The following SNTG1 variants were observed in gnomAD, a reference collection of about 807,000 sequenced individuals.
SNTG1 encodes the protein gamma-1-syntrophin.
SNTG1 carries 39 observed loss-of-function variants against 74.7 expected under a neutral mutation model. The observed-to-expected ratio is 0.52, with a 90% CI of 0.40 to 0.68. The LOEUF is 0.68. Ranked by LOEUF, SNTG1 falls within the 30% of genes least tolerant of loss-of-function variation. The pLI, the probability that SNTG1 is intolerant of heterozygous loss-of-function variation, is 0.00. For missense variants in SNTG1, 685 were observed against 609.5 expected (o/e 1.12, Z -1.30); for synonymous variants, 254 against 217.1 (o/e 1.17, Z -1.49).
intron 9 of SNTG1, among the ~76,000 whole-genome samples, chr8:50,509,569 G>A (rs1250317057): frequency 6.6e-6 from 1 of 152,106 alleles, no homozygotes; most frequent in Non-Finnish European, 1.5e-5. Flanking sequence ...TCTTCCATTT[G>A]TTTGTATCCT....
At position 50,264,522 on chromosome 8, in the gene SNTG1, A is replaced by G. The variant is rs188409955; in HGVS notation, c.-28+91887A>G. The stretch of plus-strand genomic sequence containing the variant: ...GAGGCAGAAGTTGCAGTGAGCAGAG[A>G]TCGCACCACTGCACTCCAGCCTGAG... On this transcript the variant is annotated intron_variant, in intron 2 of 18. Transcript: ENST00000642720. Among the ~76,000 whole-genome samples the G allele has an allele frequency of 5.3e-3, 810 of 151,980 alleles. 18 individuals carry two copies. The highest frequency in any genetic ancestry group is 0.019 in the African/African-American group (779 of 41,470).
intron 2 of SNTG1, among the ~76,000 whole-genome samples, chr8:50,370,864 G>C (rs1029289793): frequency 6.6e-6 from 1 of 152,100 alleles, no homozygotes; most frequent in Non-Finnish European, 1.5e-5. Context: ...TGGATACTAA[G>C]AGTATGGATT....
intron 12 of SNTG1, among the ~76,000 whole-genome samples, chr8:50,572,210 C>T (rs1473742936): frequency 6.6e-6 from 1 of 151,692 alleles, no homozygotes; most frequent in Non-Finnish European, 1.5e-5. Flanking sequence ...TAATACTCGT[C>T]TCAGAGACTT....
At chr8:50,040,294 T>G (rs958853696) in intron 1 of SNTG1, among the ~76,000 whole-genome samples, 3 of 152,176 alleles carry the variant, frequency 2.0e-5, no homozygotes, top group Non-Finnish European at 2.9e-5. Flanking sequence ...CCATATCTTT[T>G]TATAAAAATT....
In SNTG1 at chr8:50,380,453, A is replaced by G. The variant is rs377096587; in HGVS notation, c.-27-13759A>G. ...TGCCTAGAGCAAACTCTATAAATAG[A>G]TAACATTTTTCTCTTCAGTAAACTG... is the stretch of plus-strand genomic sequence containing the variant. On this transcript the variant is annotated intron_variant, in intron 2 of 18. Transcript: ENST00000642720. 4.3e-4 allele frequency among the ~76,000 whole-genome samples: 66 copies of G among 152,362 alleles called. 1 individual carries two copies. Among genetic ancestry groups the G allele is most frequent in the African/African-American group, 1.6e-3 (66 of 41,596 alleles).
At position 49,962,702 on chromosome 8, in the gene SNTG1, C is replaced by A. The variant is rs369547926; in HGVS notation, c.-103+50471C>A. On this transcript the variant is annotated intron_variant, in intron 1 of 18. Transcript: ENST00000642720. Reference sequence around the variant, plus strand: ...CCTCTTCCTCCCAGTTCAAGAGATGCTTCTGCCTCAGCCTCCTGAGTAGCT... The same window carrying A: ...CCTCTTCCTCCCAGTTCAAGAGATGATTCTGCCTCAGCCTCCTGAGTAGCT... Among the ~76,000 whole-genome samples the A allele has an allele frequency of 2.4e-4, 36 of 152,272 alleles. No homozygotes were observed. In the South Asian group the frequency reaches 5.2e-3, roughly 22 times the overall value.
intron 1 of SNTG1, among the ~76,000 whole-genome samples, chr8:50,111,178 C>T (rs1563610901): frequency 6.6e-6 from 1 of 152,058 alleles, no homozygotes; most frequent in South Asian, 2.1e-4. Context: ...TCTCCTAGCT[C>T]CCTCACACTT....
chr8:50,212,706 A>G (rs888253551), intron 2 of SNTG1, among the ~76,000 whole-genome samples: 6 of 152,204 alleles, frequency 3.9e-5, no homozygotes, highest in African/African-American at 9.6e-5. Flanking sequence ...AGCCATGTCT[A>G]TATATACTCT....
At chr8:50,033,269 A>C (rs1222332955) in intron 1 of SNTG1, among the ~76,000 whole-genome samples, 2 of 151,994 alleles carry the variant, frequency 1.3e-5, no homozygotes, top group African/African-American at 4.8e-5. Flanking sequence ...GATTACAGGC[A>C]TGCGCCACCA....
At chr8:50,591,006 G>GT in intron 13 of SNTG1, 89 bp downstream of exon 13, 1 of 866,696 alleles carries the variant, frequency 1.2e-6, no homozygotes, top group Non-Finnish European at 1.7e-6. Context: ...TTTCTAGACA[G>GT]AAATAATTGG....
At position 50,630,102 on chromosome 8, in the gene SNTG1, A is replaced by G. The variant is rs147856639; in HGVS notation, c.850-26807A>G. Among the ~76,000 whole-genome samples the G allele has an allele frequency of 4.8e-3, 730 of 152,302 alleles. 6 individuals carry two copies. Among genetic ancestry groups the G allele is most frequent in the African/African-American group, 0.016 (686 of 41,578 alleles). Reference sequence around the variant, plus strand: ...TTGGTAAAAAATTACAGGTGATAAAAGGTAAGTAGGAATTTATGGAAAACC... The same window carrying G: ...TTGGTAAAAAATTACAGGTGATAAAGGGTAAGTAGGAATTTATGGAAAACC... On this transcript the variant is annotated intron_variant, in intron 13 of 18. Transcript: ENST00000642720.
At chr8:50,101,873 A>G (rs1010191961) in intron 1 of SNTG1, among the ~76,000 whole-genome samples, 20 of 152,088 alleles carry the variant, frequency 1.3e-4, no homozygotes, top group African/African-American at 4.8e-4. Flanking sequence ...CCATGTCCCT[A>G]CAAAGGACAC....
At chr8:50,441,570 G>T (rs920214558) in intron 5 of SNTG1, among the ~76,000 whole-genome samples, 1 of 152,098 alleles carries the variant, frequency 6.6e-6, no homozygotes, top group Non-Finnish European at 1.5e-5. Flanking sequence ...GAAATGAAAG[G>T]AATATTGAAA....
At chr8:50,313,930 A>G (rs751414144) in intron 2 of SNTG1, among the ~76,000 whole-genome samples, 40 of 150,170 alleles carry the variant, frequency 2.7e-4, no homozygotes, top group Non-Finnish European at 2.4e-4. Flanking sequence ...TTTTCTACAT[A>G]ACTAGCTTGG....
At position 50,793,779 on chromosome 8, in the gene SNTG1, C is replaced by T. The variant is rs371985938; in HGVS notation, c.*950C>T. ...CTAGTTAATCATGAACTAAAATGTC[C>T]CCCGAAAACAGTCCCAAAGCTATTA... On this transcript the variant is annotated 3_prime_UTR_variant, in exon 19 of 19. Transcript: ENST00000642720. The T allele has an allele frequency of 7.2e-4, 110 of 151,748 alleles. No individual in the cohort carries two copies. The highest frequency in any genetic ancestry group is 2.6e-3 in the African/African-American group (106 of 41,450). The allele number at this position is 151,748 out of a possible 1,614,324, so 9.4% of individuals were successfully genotyped here. A position where few individuals can be genotyped will look rare whatever the true frequency, so the allele number is the denominator to read the frequency against.
Position 50,217,440 on chromosome 8 carries a change from T to C in SNTG1, c.-28+44805T>C, listed in dbSNP as rs16914522. On this transcript the variant is annotated intron_variant, in intron 2 of 18. Coordinates refer to ENST00000642720, the MANE Select transcript of SNTG1 (RefSeq NM_018967.5). ...TCCTGACCTTTGCAATAAAACCCAG[T>C]CACCTATTTGTACTCTTACTTAGCA... is the stretch of plus-strand genomic sequence containing the variant. Among the ~76,000 whole-genome samples the C allele has an allele frequency of 8.1e-3, 1,231 of 152,228 alleles. 20 individuals are homozygous for C. The highest frequency in any genetic ancestry group is 0.028 in the African/African-American group (1,184 of 41,546).
chr8:50,244,760 G>C lies in SNTG1; in HGVS notation c.-28+72125G>C, dbSNP rs540170931. 8.5e-5 allele frequency among the ~76,000 whole-genome samples: 13 copies of C among 152,186 alleles called. No individual in the cohort carries two copies. In the South Asian group the frequency reaches 2.7e-3, roughly 32 times the overall value. On this transcript the variant is annotated intron_variant, in intron 2 of 18. Transcript: ENST00000642720. ...CTTTGCCAATGTAAGACCACATAATGGTTAGTCAAGTGTCAAGATATTCAG... is the reference window on the plus strand; with the variant it reads ...CTTTGCCAATGTAAGACCACATAATCGTTAGTCAAGTGTCAAGATATTCAG...
At chr8:49,932,497 T>C (rs936208147) in intron 1 of SNTG1, among the ~76,000 whole-genome samples, 1 of 152,066 alleles carries the variant, frequency 6.6e-6, no homozygotes, top group East Asian at 1.9e-4. Context: ...TCCAGTGTCG[T>C]ATTATTACAC....
At chr8:49,983,518 A>G (rs989288173) in intron 1 of SNTG1, among the ~76,000 whole-genome samples, 8 of 152,130 alleles carry the variant, frequency 5.3e-5, no homozygotes, top group African/African-American at 1.9e-4. Flanking sequence ...TTTGCTTTTT[A>G]TTATTGAGAA....
Sources: allele counts gnomAD v4.1 joint callset (sites outside exome capture counted in the v4.1 genomes callset), GRCh38; gene constraint gnomAD v4.1.1; transcripts MANE v1.5; gene names NCBI Gene and HGNC (gene_info 2026-07-23, HGNC 2026-07-21).